Variants in PCDHA1 observed in about 807,000 individuals in gnomAD.
PCDHA1 encodes protocadherin alpha 1.
PCDHA1 carries 42 observed loss-of-function variants against 61.3 expected under a neutral mutation model. That is an observed-to-expected ratio of 0.69 (90% CI 0.54 to 0.89). PCDHA1 has a LOEUF of 0.89. Ranked by LOEUF, PCDHA1 falls within the 40% of genes least tolerant of loss-of-function variation. The probability of loss-of-function intolerance (pLI) is 0.00; values close to 1 mark genes in which losing one functional copy is unlikely to be tolerated. For synonymous variants in PCDHA1, 610 were observed against 553.8 expected, an observed-to-expected ratio of 1.10 and a Z score of -1.43; for missense variants, 1,256 against 1,235.3, an observed-to-expected ratio of 1.02 and a Z score of -0.25.
At position 140,796,864 on chromosome 5, in the gene PCDHA1, A is replaced by G. The variant is rs1762150380; in HGVS notation, c.2394+8180A>G. ...GCTATACACGGGTGAGATCAGCACG[A>G]CACGTGCCCTAGACGAGGCTGACTC... On this transcript the variant is annotated intron_variant, in intron 1 of 3. Transcript: ENST00000504120. The G allele has an allele frequency of 2.5e-6, 4 of 1,614,044 alleles. 1 individual carries two copies. Among genetic ancestry groups the G allele is most frequent in the Middle Eastern group, 1.6e-4 (1 of 6,062 alleles).
At chr5:140,966,232 C>A (rs1353392797) in intron 1 of PCDHA1, 14 of 285,432 alleles carry the variant, frequency 4.9e-5, no homozygotes, top group African/African-American at 2.4e-4. Flanking sequence ...TCCTTAAAGA[C>A]CCGTTAAGCA....
chr5:140,849,893 G>A, intron 1 of PCDHA1: 1 of 1,598,550 alleles, frequency 6.3e-7, no homozygotes, highest in Non-Finnish European at 8.6e-7. Context: ...TCGTGAAGGA[G>A]AACAACCCGC....
intron 1 of PCDHA1, chr5:140,851,050 G>T: frequency 7.2e-7 from 1 of 1,384,398 alleles, no homozygotes; most frequent in African/African-American, 1.5e-5. Context: ...AGCCGACTTT[G>T]TCTTGACTTC....
intron 1 of PCDHA1, chr5:140,860,013 G>T (rs1218796590): frequency 6.6e-6 from 1 of 151,942 alleles, no homozygotes; most frequent in African/African-American, 2.4e-5. Flanking sequence ...TTAAGGCCAG[G>T]CATGGTGGCT....
intron 1 of PCDHA1, among the ~76,000 whole-genome samples, chr5:140,846,095 G>A (rs2150384472): frequency 6.7e-5 from 10 of 149,712 alleles, no homozygotes; most frequent in African/African-American, 2.4e-4. Context: ...GTCCTTCCAA[G>A]GAATGTGTAG....
Position 140,877,047 on chromosome 5 carries a change from C to T in PCDHA1, c.2394+88363C>T, listed in dbSNP as rs372059660. The T allele has an allele frequency of 5.6e-6, 9 of 1,612,564 alleles. No homozygotes were observed. The African/African-American group carries it at 1.2e-4, about 22-fold the overall frequency. On this transcript the variant is annotated intron_variant, in intron 1 of 3. Transcript: ENST00000504120. ...TGTACGCGCTGCAGCCGCTAGACCA[C>T]GAGGAGCTGGAGCTGCTGCAGTTCC...
chr5:140,789,521 T>C lies in PCDHA1; in HGVS notation c.2394+837T>C, dbSNP rs142418941. On this transcript the variant is annotated intron_variant, in intron 1 of 3. Coordinates refer to ENST00000504120, the MANE Select transcript of PCDHA1 (RefSeq NM_018900.4). Reference sequence around the variant, plus strand: ...AAAACACCATTTATTGGGCGATTTGTTTAATTTCTTTATGAAAACATACAA... The same window carrying C: ...AAAACACCATTTATTGGGCGATTTGCTTAATTTCTTTATGAAAACATACAA... Among the ~76,000 whole-genome samples, 141 of 152,120 alleles carry C rather than the reference T, an allele frequency of 9.3e-4. 1 individual carries two copies. The highest frequency in any genetic ancestry group is 3.3e-3 in the African/African-American group (136 of 41,384).
chr5:140,936,303 T>C (rs1223461427), intron 1 of PCDHA1, among the ~76,000 whole-genome samples: 3 of 152,236 alleles, frequency 2.0e-5, no homozygotes, highest in South Asian at 2.1e-4. Flanking sequence ...TGCTATCCAA[T>C]AGAACTTTCT....
At chr5:140,923,181 A>T (rs2081206798) in intron 1 of PCDHA1, among the ~76,000 whole-genome samples, 1 of 152,158 alleles carries the variant, frequency 6.6e-6, no homozygotes, top group Non-Finnish European at 1.5e-5. Flanking sequence ...GTTCAGATGC[A>T]TCTACTGCAG....
chr5:140,796,816 G>C (rs782509295), intron 1 of PCDHA1: 2 of 1,614,004 alleles, frequency 1.2e-6, no homozygotes, highest in Admixed American at 1.7e-5. Context: ...TACTGGCAGC[G>C]CTCGCATCCC....
At chr5:140,995,342 A>G (rs2097678065) in intron 3 of PCDHA1, among the ~76,000 whole-genome samples, 1 of 152,122 alleles carries the variant, frequency 6.6e-6, no homozygotes, top group African/African-American at 2.4e-5. Flanking sequence ...TGTAGACGGC[A>G]TGGATAGGTC....
intron 1 of PCDHA1, chr5:140,927,691 G>C (rs782046420): frequency 6.2e-7 from 1 of 1,614,072 alleles, no homozygotes; most frequent in African/African-American, 1.3e-5. Flanking sequence ...GTCCAATGGG[G>C]AAGTCCAGTA....
chr5:140,820,462 C>T (rs1766763072), intron 1 of PCDHA1, among the ~76,000 whole-genome samples: 1 of 151,950 alleles, frequency 6.6e-6, no homozygotes, highest in Non-Finnish European at 1.5e-5. Flanking sequence ...CTTGTCTTCA[C>T]AGGTAAGGGA....
chr5:140,872,867 A>G (rs549673745), intron 1 of PCDHA1, among the ~76,000 whole-genome samples: 37 of 152,332 alleles, frequency 2.4e-4, no homozygotes, highest in African/African-American at 8.7e-4. Flanking sequence ...CCTACTGACA[A>G]TTATCAGTTT....
chr5:140,835,734 A>T lies in PCDHA1; in HGVS notation c.2394+47050A>T, dbSNP rs1554135223. 1.9e-6 allele frequency: 3 copies of T among 1,613,614 alleles called. No individual in the cohort carries two copies. In the African/African-American group the frequency reaches 4.0e-5, roughly 22 times the overall value. On this transcript the variant is annotated intron_variant, in intron 1 of 3. Coordinates refer to ENST00000504120, the MANE Select transcript of PCDHA1 (RefSeq NM_018900.4). ...CGTGGAGGTGGCCGACGTGAACGAC[A>T]ACGCCCCGGCGTTCGCGCAGCCCGA... is the stretch of plus-strand genomic sequence containing the variant.
rs2150153746 is a variant in PCDHA1, at chr5:140,828,302, C to A, written c.2394+39618C>A. On this transcript the variant is annotated intron_variant, in intron 1 of 3. Coordinates refer to ENST00000504120, the MANE Select transcript of PCDHA1 (RefSeq NM_018900.4). Reference sequence around the variant, plus strand: ...CCTGTTCAGGATGGCCTCCAAAGACCGCGAGGACCTTCTGGAGGTAAATCT... The same window carrying A: ...CCTGTTCAGGATGGCCTCCAAAGACAGCGAGGACCTTCTGGAGGTAAATCT... The A allele has an allele frequency of 1.9e-6, 3 of 1,614,148 alleles. No homozygotes were observed. The Admixed American group carries it at 5.0e-5, about 27-fold the overall frequency.
chr5:140,979,102 C>T (rs1263848262), intron 2 of PCDHA1, 95 bp downstream of exon 2: 1 of 1,541,684 alleles, frequency 6.5e-7, no homozygotes, highest in Non-Finnish European at 8.7e-7. Flanking sequence ...GCTGTCAAAA[C>T]TAAAAAGCTT....
In PCDHA1 at chr5:140,804,351, A is replaced by T. The variant is rs1477716467; in HGVS notation, c.2394+15667A>T. 3.3e-5 allele frequency: 5 copies of T among 152,160 alleles called. No homozygotes were observed. The East Asian group carries it at 9.6e-4, about 29-fold the overall frequency. 9.4% of individuals were successfully genotyped at this position (152,160 alleles called of 1,614,324 possible). ...TAATACTACTGTATTATATGTTAAA[A>T]TTTATTACTAATAACTAAAATATCA... is the stretch of plus-strand genomic sequence containing the variant. On this transcript the variant is annotated intron_variant, in intron 1 of 3. Transcript: ENST00000504120.
rs782761972 is a variant in PCDHA1, at chr5:140,927,978, T to C, written c.2395-50971T>C. 9.9e-6 allele frequency: 16 copies of C among 1,614,092 alleles called. No individual in the cohort carries two copies. In the East Asian group the frequency reaches 1.8e-4, roughly 18 times the overall value. ...CCCCTGGCACAGTGATTGCTCTCTTTAGTGTAAAGGATGAAGACCTCGATT... is the reference window on the plus strand; with the variant it reads ...CCCCTGGCACAGTGATTGCTCTCTTCAGTGTAAAGGATGAAGACCTCGATT... On this transcript the variant is annotated intron_variant, in intron 1 of 3. Coordinates refer to ENST00000504120, the MANE Select transcript of PCDHA1 (RefSeq NM_018900.4).
Sources: gnomAD v4.1 joint callset for allele counts (sites outside exome capture counted in the v4.1 genomes callset) on GRCh38, gnomAD v4.1.1 for gene constraint, MANE v1.5 for transcripts, NCBI Gene and HGNC (gene_info 2026-07-23, HGNC 2026-07-21) for gene names.